The following APELA variants were observed in gnomAD, a reference collection of about 807,000 sequenced individuals.
APELA encodes the protein apelin receptor early endogenous ligand, also known as protein Elabela.
At chr4:164,887,714 C>T (rs746309730) in intron 2 of APELA, among the ~76,000 whole-genome samples, 2 of 151,788 alleles carry the variant, frequency 1.3e-5, no homozygotes, top group East Asian at 1.9e-4. Context: ...TGGGTTTAAG[C>T]GATTCTCCTG....
intron 2 of APELA, among the ~76,000 whole-genome samples, chr4:164,888,500 A>T (rs977294787): frequency 3.9e-5 from 6 of 152,228 alleles, no homozygotes; most frequent in Admixed American, 2.0e-4. Flanking sequence ...GGAAACTGGT[A>T]GTTCTTAACC....
chr4:164,898,084 G>T (rs899422531), downstream of APELA, among the ~76,000 whole-genome samples: 3 of 151,842 alleles, frequency 2.0e-5, no homozygotes, highest in Admixed American at 2.0e-4. Flanking sequence ...AGAGACGGGG[G>T]TTCACCACGT....
At chr4:164,882,021 T>C (rs923629779) in intron 2 of APELA, among the ~76,000 whole-genome samples, 4 of 152,084 alleles carry the variant, frequency 2.6e-5, no homozygotes, top group African/African-American at 9.7e-5. Context: ...CTAGACTCTG[T>C]CTCTAAAACA....
chr4:164,885,667 G>A (rs992031223), intron 2 of APELA, among the ~76,000 whole-genome samples: 2 of 151,938 alleles, frequency 1.3e-5, no homozygotes, highest in African/African-American at 4.8e-5. Flanking sequence ...CTTGAACCCA[G>A]GAGGCGGAGG....
rs550840614 is a variant in APELA at position 164,881,269 on chromosome 4, A to T, written c.*1+2260A>T. 2.0e-5 allele frequency among the ~76,000 whole-genome samples: 3 copies of T among 152,298 alleles called. No homozygotes were observed. The South Asian group carries it at 6.2e-4, about 32-fold the overall frequency. Reference sequence around the variant, plus strand: ...TCCCCTCTAATTTTTTGGATGCTTTAGATAAAATCACATGTGGTTATTTGA... The same window carrying T: ...TCCCCTCTAATTTTTTGGATGCTTTTGATAAAATCACATGTGGTTATTTGA... On this transcript the variant is annotated intron_variant, in intron 2 of 2. Coordinates refer to ENST00000507152, the MANE Select transcript of APELA (RefSeq NM_001297550.2).
chr4:164,887,942 GTCT>G (rs1002742906), intron 2 of APELA, among the ~76,000 whole-genome samples: 23 of 152,210 alleles, frequency 1.5e-4, no homozygotes, highest in African/African-American at 5.5e-4. Flanking sequence ...ACAAATTTTA[GTCT>G]TCTTCCTGAT....
chr4:164,887,847 G>A (rs1270828799), intron 2 of APELA, among the ~76,000 whole-genome samples: 1 of 152,116 alleles, frequency 6.6e-6, no homozygotes, highest in Non-Finnish European at 1.5e-5. Flanking sequence ...CCTGACCTCA[G>A]GTGATCCATC....
At chr4:164,882,797 C>T (rs1265555732) in intron 2 of APELA, among the ~76,000 whole-genome samples, 1 of 151,968 alleles carries the variant, frequency 6.6e-6, no homozygotes, top group Admixed American at 6.6e-5. Flanking sequence ...CTTCCTGTGT[C>T]CATGGGTTCT....
chr4:164,888,403 G>A (rs1730818835), intron 2 of APELA, among the ~76,000 whole-genome samples: 1 of 152,180 alleles, frequency 6.6e-6, no homozygotes, highest in Admixed American at 6.5e-5. Context: ...AGGCTATCTA[G>A]AAGCATGATA....
chr4:164,886,848 T>G (rs888385828), intron 2 of APELA, among the ~76,000 whole-genome samples: 1 of 151,996 alleles, frequency 6.6e-6, no homozygotes, highest in Non-Finnish European at 1.5e-5. Context: ...GGGACAGAGT[T>G]CCACTCTTGT....
chr4:164,886,924 C>T (rs569427191), intron 2 of APELA, among the ~76,000 whole-genome samples: 35 of 152,090 alleles, frequency 2.3e-4, no homozygotes, highest in African/African-American at 7.0e-4. Flanking sequence ...CTCCCAGGTT[C>T]AAGCAGTTCT....
intron 2 of APELA, among the ~76,000 whole-genome samples, chr4:164,888,120 G>C (rs556674047): frequency 2.0e-5 from 3 of 152,122 alleles, no homozygotes; most frequent in South Asian, 4.2e-4. Flanking sequence ...ACTCTCTCCT[G>C]CTCTGTTTTA....
rs532762492 is a variant in APELA, at chr4:164,889,408, G to A, written c.*2-6008G>A. Among the ~76,000 whole-genome samples the A allele has an allele frequency of 3.3e-5, 5 of 151,728 alleles. No individual in the cohort carries two copies. The South Asian group carries it at 1.0e-3, about 32-fold the overall frequency. On this transcript the variant is annotated intron_variant, in intron 2 of 2. Transcript: ENST00000507152. Reference sequence around the variant, plus strand: ...CATTTACTGCTTTGTCTTTTACTTAGCATCTAAGTGACATTTAATCTAATT... The same window carrying A: ...CATTTACTGCTTTGTCTTTTACTTAACATCTAAGTGACATTTAATCTAATT...
chr4:164,882,343 T>C (rs1730670115), intron 2 of APELA, among the ~76,000 whole-genome samples: 2 of 151,688 alleles, frequency 1.3e-5, no homozygotes, highest in South Asian at 4.1e-4. Context: ...CCTCAGGTGA[T>C]CTGCCCCCCC....
At chr4:164,898,796 G>A (rs1023592518), downstream of APELA, 2 of 152,162 alleles carry the variant, frequency 1.3e-5, no homozygotes, top group African/African-American at 2.4e-5. Flanking sequence ...ACTGAAATTA[G>A]TGAAGTCAGT....
chr4:164,898,223 C>A (rs565716208), downstream of APELA, among the ~76,000 whole-genome samples: 105 of 150,196 alleles, frequency 7.0e-4, no homozygotes, highest in African/African-American at 2.4e-3. Context: ...TCTTTGTGGC[C>A]GGGCGTGGTG....
chr4:164,882,463 A>T (rs2111052570), intron 2 of APELA, among the ~76,000 whole-genome samples: 1 of 152,296 alleles, frequency 6.6e-6, no homozygotes, highest in African/African-American at 2.4e-5. Flanking sequence ...TATTTCTAAC[A>T]GTATGGAAGA....
intron 2 of APELA, among the ~76,000 whole-genome samples, chr4:164,888,237 T>A (rs1403395962): frequency 6.6e-6 from 1 of 152,208 alleles, no homozygotes; most frequent in African/African-American, 2.4e-5. Flanking sequence ...CAGGGCTATT[T>A]ATTCAGAGTT....
At chr4:164,883,315 C>T (rs1291054650) in intron 2 of APELA, among the ~76,000 whole-genome samples, 1 of 152,124 alleles carries the variant, frequency 6.6e-6, no homozygotes, top group Non-Finnish European at 1.5e-5. Flanking sequence ...AAACTAATAA[C>T]CTCTAGTTTC....
Sources: gnomAD v4.1 joint callset for allele counts (sites outside exome capture counted in the v4.1 genomes callset) on GRCh38, gnomAD v4.1.1 for gene constraint, MANE v1.5 for transcripts, NCBI Gene and HGNC (gene_info 2026-07-23, HGNC 2026-07-21) for gene names.